The following PHC3 variants were observed in gnomAD, a reference collection of about 807,000 sequenced individuals.
The protein encoded by PHC3 is polyhomeotic-like protein 3.
Under a neutral mutation model 107.4 loss-of-function variants are expected in PHC3, and 13 were observed. The observed-to-expected ratio is 0.12, with a 90% confidence interval of 0.08 to 0.19. PHC3 has a LOEUF of 0.19. Ranked by LOEUF, PHC3 falls within the 10% of genes least tolerant of loss-of-function variation. The pLI, the probability that PHC3 is intolerant of heterozygous loss-of-function variation, is 1.00. For missense variants in PHC3, 992 were observed against 1,210.9 expected (o/e 0.82, Z 2.68); for synonymous variants, 456 against 427.4 (o/e 1.07, Z -0.83).
chr3:170,179,328 C>T (rs1331551385), intron 1 of PHC3, among the ~76,000 whole-genome samples: 1 of 152,100 alleles, frequency 6.6e-6, no homozygotes, highest in Non-Finnish European at 1.5e-5. Flanking sequence ...TTCTTTTGAC[C>T]ACACTAATTA....
At chr3:170,154,459 CAGTA>C (rs201452758) in intron 4 of PHC3, among the ~76,000 whole-genome samples, 1,849 of 152,036 alleles carry the variant, frequency 0.012, 37 homozygotes, top group African/African-American at 0.042. Flanking sequence ...TTTCAAAAAA[CAGTA>C]AGAAAGAAAT....
intron 4 of PHC3, 30 bp from the exon 5 acceptor site, chr3:170,149,274 C>T: frequency 6.4e-7 from 1 of 1,567,298 alleles, no homozygotes; most frequent in Non-Finnish European, 8.7e-7. Flanking sequence ...AGGTCATAGG[C>T]TTCCATTTCT....
In PHC3 at chr3:170,102,628, C is replaced by A. The variant is rs773725072; in HGVS notation, c.2684G>T (p.Arg895Leu). 4 of 1,613,820 alleles carry A rather than the reference C, an allele frequency of 2.5e-6. No homozygotes were observed. The Admixed American group carries it at 6.7e-5, about 27-fold the overall frequency. ...TTCTCTTTCCCGCTCGCTCTGCCTG[C>A]GCAGACGAGTTGTCATAGCAGATGG... ...SVPSAMTTRLRRQSERERERE... is the reference protein window; with the variant it reads ...SVPSAMTTRLLRQSERERERE... Residue 895 changes from arginine (R) to leucine (L), a missense_variant, in exon 14 of 15, where the codon CGC (arginine) becomes CTC (leucine). Around this residue, in one of 6 missense-constraint regions of PHC3, gnomAD observed 228 missense variants for 288.8 expected, o/e 0.79. Coordinates refer to ENST00000495893, the MANE Select transcript of PHC3 (RefSeq NM_024947.4).
chr3:170,136,618 G>A lies in PHC3; in HGVS notation c.720C>T (p.Ser240=). The part of the protein sequence containing the change: ...LRSQKLGVLS[S]SQNGPPKSTS... Reference sequence around the variant, plus strand: ...TGCTTTTTGGTGGACCATTCTGTGAGCTAGATAATACACCCAACTTCTGGC... The same window carrying A: ...TGCTTTTTGGTGGACCATTCTGTGAACTAGATAATACACCCAACTTCTGGC... The change falls in exon 7 of 15, where the codon AGC becomes AGT. Residue 240 remains serine (S), a synonymous_variant. Coordinates refer to ENST00000495893, the MANE Select transcript of PHC3 (RefSeq NM_024947.4). 6.2e-7 allele frequency: 1 copy of A among 1,613,720 alleles called. No individual in the cohort carries two copies. The highest frequency in any genetic ancestry group is 8.5e-7 in the Non-Finnish European group (1 of 1,179,792).
chr3:170,122,491 T>G, intron 9 of PHC3, 100 bp downstream of exon 9: 2 of 1,279,460 alleles, frequency 1.6e-6, no homozygotes, highest in Non-Finnish European at 2.2e-6. Flanking sequence ...TAGTTCCAGC[T>G]ACAAAAAGGG....
In PHC3 at chr3:170,088,554, T is replaced by C. The variant is rs1424637584; in HGVS notation, c.*8676A>G. The C allele has an allele frequency of 3.3e-5, 5 of 152,206 alleles. No individual in the cohort carries two copies. The highest frequency in any genetic ancestry group is 2.6e-4 in the Admixed American group (4 of 15,284). The allele number at this position is 152,206 out of a possible 1,614,324, so 9.4% of individuals were successfully genotyped here. On this transcript the variant is annotated 3_prime_UTR_variant, in exon 15 of 15. Coordinates refer to ENST00000495893, the MANE Select transcript of PHC3 (RefSeq NM_024947.4). ...AGACCAAGCTTTTGAAGGAGAGGAC[T>C]GGGAATCTAGTTTAAATGTCTACAT...
intron 7 of PHC3, among the ~76,000 whole-genome samples, chr3:170,130,877 T>C (rs1722137549): frequency 6.6e-6 from 1 of 152,114 alleles, no homozygotes; most frequent in South Asian, 2.1e-4. Flanking sequence ...ATGTAAAAAT[T>C]ACACACATTT....
intron 8 of PHC3, chr3:170,128,456 A>C (rs1260308048): frequency 1.6e-6 from 2 of 1,212,182 alleles, no homozygotes; most frequent in Non-Finnish European, 2.2e-6. Flanking sequence ...AAAATTAACG[A>C]GGGACTTTAA....
At chr3:170,166,255 G>A (rs769772248) in intron 4 of PHC3, among the ~76,000 whole-genome samples, 7 of 152,072 alleles carry the variant, frequency 4.6e-5, no homozygotes, top group Non-Finnish European at 1.0e-4. Flanking sequence ...TGTTGGCCAG[G>A]CTGGTCTCAA....
At chr3:170,114,817 G>T (rs541868493) in intron 10 of PHC3, among the ~76,000 whole-genome samples, 1 of 152,268 alleles carries the variant, frequency 6.6e-6, no homozygotes, top group South Asian at 2.1e-4. Flanking sequence ...CACATATGGG[G>T]AACAACAGCT....
intron 6 of PHC3, among the ~76,000 whole-genome samples, chr3:170,142,553 G>T (rs940664750): frequency 6.6e-6 from 1 of 152,128 alleles, no homozygotes; most frequent in East Asian, 1.9e-4. Flanking sequence ...AAATATGAAT[G>T]AATATTAGAG....
Position 170,145,531 on chromosome 3 carries a change from C to A in PHC3, c.574-10G>T, listed in dbSNP as rs1225946702. On this transcript the variant is annotated splice_polypyrimidine_tract_variant and intron_variant, in intron 5 of 14. Coordinates refer to ENST00000495893, the MANE Select transcript of PHC3 (RefSeq NM_024947.4). ...CGGGTGTGAAAATCAGCTGTACAGACAGAAAACCAAAAAAATACCCTAAGA... is the reference window on the plus strand; with the variant it reads ...CGGGTGTGAAAATCAGCTGTACAGAAAGAAAACCAAAAAAATACCCTAAGA... The A allele has an allele frequency of 6.3e-7, 1 of 1,598,902 alleles. No homozygotes were observed. The highest frequency in any genetic ancestry group is 1.7e-5 in the Admixed American group (1 of 58,386).
chr3:170,176,543 T>C (rs1730517933), intron 2 of PHC3, among the ~76,000 whole-genome samples: 1 of 151,818 alleles, frequency 6.6e-6, no homozygotes, highest in Admixed American at 6.6e-5. Flanking sequence ...ATTCACAGAG[T>C]GGTTAAGGGC....
chr3:170,102,199 A>G (rs1715603299), intron 14 of PHC3: 1 of 985,416 alleles, frequency 1.0e-6, no homozygotes, highest in Admixed American at 6.1e-5. Flanking sequence ...AATCAGACTG[A>G]AGAGAAGAAA....
At chr3:170,112,611 C>T (rs1260508311) in intron 11 of PHC3, among the ~76,000 whole-genome samples, 2 of 150,522 alleles carry the variant, frequency 1.3e-5, no homozygotes, top group African/African-American at 4.9e-5. Flanking sequence ...GCAACCTCCG[C>T]CTCTGGGGTT....
At chr3:170,158,584 C>T (rs895035261) in intron 4 of PHC3, among the ~76,000 whole-genome samples, 13 of 150,868 alleles carry the variant, frequency 8.6e-5, no homozygotes, top group African/African-American at 3.2e-4. Context: ...GCCTAGGCCA[C>T]AGAGTGAGAC....
chr3:170,119,212 TG>T (rs1719707530), intron 9 of PHC3, among the ~76,000 whole-genome samples: 1 of 152,092 alleles, frequency 6.6e-6, no homozygotes, highest in African/African-American at 2.4e-5. Context: ...GGACAAAGGA[TG>T]AAAGATTTAA....
chr3:170,165,750 T>C (rs556951599), intron 4 of PHC3, among the ~76,000 whole-genome samples: 2 of 104,052 alleles, frequency 1.9e-5, no homozygotes, highest in African/African-American at 4.0e-5. Flanking sequence ...CAAGACCTTG[T>C]CTCAAAAAAA....
chr3:170,172,110 G>C (rs761465391), intron 3 of PHC3, among the ~76,000 whole-genome samples: 51 of 152,202 alleles, frequency 3.4e-4, no homozygotes, highest in Admixed American at 1.1e-3. Context: ...TGTTACTGTG[G>C]CCACCTTTGA....
Sources: gnomAD v4.1 joint callset for allele counts (sites outside exome capture counted in the v4.1 genomes callset) on GRCh38, gnomAD v4.1.1 for gene constraint, gnomAD v4.1.1 regional missense constraint, MANE v1.5 for transcripts, NCBI Gene and HGNC (gene_info 2026-07-23, HGNC 2026-07-21) for gene names.